Variants in PLCH1 observed in about 807,000 individuals in gnomAD.
The protein encoded by PLCH1 is 1-phosphatidylinositol 4,5-bisphosphate phosphodiesterase eta-1.
A neutral mutation model predicts 126.7 loss-of-function variants in PLCH1; 60 were observed. The observed-to-expected ratio is 0.47, with a 90% confidence interval of 0.38 to 0.59. The LOEUF (loss-of-function observed/expected upper bound fraction) is 0.59. Among genes scored for constraint, PLCH1 ranks in the 20% least tolerant of loss-of-function variants. The pLI is 0.00. For missense variants in PLCH1, 1,723 were observed against 2,040.0 expected (o/e 0.84, Z 2.99); for synonymous variants, 719 against 734.9 (o/e 0.98, Z 0.35).
chr3:155,564,907 G>A lies in PLCH1; in HGVS notation c.1069+8C>T. 1 of 1,603,562 alleles carries A rather than the reference G, an allele frequency of 6.2e-7. No homozygotes were observed. Among genetic ancestry groups the A allele is most frequent in the Non-Finnish European group, 8.5e-7 (1 of 1,171,074 alleles). On this transcript the variant is annotated splice_region_variant and intron_variant, in intron 8 of 22. Transcript: ENST00000460012. Reference sequence around the variant, plus strand: ...ATACACACCGGAGCTCAGAAAAAGTGCACGTACCTTCCACACAGCGACAGC... The same window carrying A: ...ATACACACCGGAGCTCAGAAAAAGTACACGTACCTTCCACACAGCGACAGC...
At chr3:155,607,434 TA>T (rs1311624200) in intron 2 of PLCH1, among the ~76,000 whole-genome samples, 1 of 152,260 alleles carries the variant, frequency 6.6e-6, no homozygotes. Context: ...CTTTGGTAAA[TA>T]AATACAATGT....
At chr3:155,643,034 C>T (rs542701858) in intron 2 of PLCH1, among the ~76,000 whole-genome samples, 8 of 152,268 alleles carry the variant, frequency 5.3e-5, no homozygotes, top group East Asian at 3.9e-4. Context: ...CTGCAACCTC[C>T]GCCTCCTGAG....
intron 21 of PLCH1, among the ~76,000 whole-genome samples, chr3:155,469,432 T>A (rs370237629): frequency 6.6e-6 from 1 of 151,232 alleles, no homozygotes; most frequent in South Asian, 2.1e-4. Flanking sequence ...CCTACGCCCA[T>A]GGAGTCTCGC....
chr3:155,516,286 A>G (rs1720295623), intron 11 of PLCH1, among the ~76,000 whole-genome samples: 1 of 152,214 alleles, frequency 6.6e-6, no homozygotes, highest in East Asian at 1.9e-4. Flanking sequence ...CTGATAAGGA[A>G]CACGGCATTA....
At chr3:155,619,677 C>G (rs1177877101) in intron 2 of PLCH1, among the ~76,000 whole-genome samples, 1 of 152,060 alleles carries the variant, frequency 6.6e-6, no homozygotes, top group East Asian at 1.9e-4. Flanking sequence ...CTCCCTACCC[C>G]CATCCAAAGC....
intron 2 of PLCH1, among the ~76,000 whole-genome samples, chr3:155,642,149 C>T (rs974332623): frequency 6.6e-6 from 1 of 152,036 alleles, no homozygotes; most frequent in African/African-American, 2.4e-5. Flanking sequence ...TATTATTATC[C>T]CTATTTTACA....
intron 12 of PLCH1, among the ~76,000 whole-genome samples, chr3:155,513,992 G>A (rs1719962646): frequency 6.6e-6 from 1 of 152,170 alleles, no homozygotes; most frequent in Non-Finnish European, 1.5e-5. Context: ...AACTCATGGG[G>A]CTATTGGCAG....
At chr3:155,719,480 C>T (rs985304096) in intron 1 of PLCH1, among the ~76,000 whole-genome samples, 7 of 151,574 alleles carry the variant, frequency 4.6e-5, no homozygotes, top group East Asian at 1.9e-4. Flanking sequence ...CAAACCTGCA[C>T]GTTGTGCACA....
At chr3:155,504,283 T>A (rs1182668819) in intron 13 of PLCH1, among the ~76,000 whole-genome samples, 2 of 152,214 alleles carry the variant, frequency 1.3e-5, no homozygotes, top group Admixed American at 1.3e-4. Context: ...GTATTGGATA[T>A]GTATATTTAA....
chr3:155,550,014 T>G, intron 9 of PLCH1, 56 bp from the exon 10 acceptor site: 1 of 1,321,052 alleles, frequency 7.6e-7, no homozygotes, highest in South Asian at 1.3e-5. Context: ...TCACAGGGAC[T>G]TTTGAAAATG....
intron 1 of PLCH1, among the ~76,000 whole-genome samples, chr3:155,730,276 T>C (rs113735862): frequency 1.4e-5 from 2 of 148,076 alleles, no homozygotes; most frequent in African/African-American, 5.0e-5. Context: ...GCATCAAAAA[T>C]GATTAGTTTT....
At chr3:155,715,839 A>G (rs1747464936) in intron 1 of PLCH1, among the ~76,000 whole-genome samples, 1 of 151,988 alleles carries the variant, frequency 6.6e-6, no homozygotes, top group African/African-American at 2.4e-5. Flanking sequence ...TCCTGGCCTA[A>G]GCAATCCTCC....
chr3:155,670,724 A>G (rs1208841982), intron 2 of PLCH1, among the ~76,000 whole-genome samples: 1 of 151,976 alleles, frequency 6.6e-6, no homozygotes, highest in African/African-American at 2.4e-5. Context: ...CCAAAATACC[A>G]CTTTTACATC....
intron 2 of PLCH1, among the ~76,000 whole-genome samples, chr3:155,618,434 T>C (rs1374290893): frequency 6.6e-6 from 1 of 152,198 alleles, no homozygotes; most frequent in African/African-American, 2.4e-5. Context: ...GCCACCGTCC[T>C]CCTCTTCTGT....
chr3:155,741,952 G>A (rs1222037938), intron 1 of PLCH1, among the ~76,000 whole-genome samples: 2 of 152,030 alleles, frequency 1.3e-5, no homozygotes, highest in East Asian at 1.9e-4. Context: ...GCAAATAGGT[G>A]CACATAATGC....
At chr3:155,572,845 C>A (rs1301979808) in intron 6 of PLCH1, among the ~76,000 whole-genome samples, 1 of 152,154 alleles carries the variant, frequency 6.6e-6, no homozygotes, top group African/African-American at 2.4e-5. Context: ...CCTTCCTCAG[C>A]ATCCCATGTA....
At chr3:155,460,762 A>C (rs1278135072) in intron 21 of PLCH1, among the ~76,000 whole-genome samples, 1 of 151,522 alleles carries the variant, frequency 6.6e-6, no homozygotes, top group Non-Finnish European at 1.5e-5. Context: ...TAGATGATAG[A>C]TGATAGATAG....
At chr3:155,687,269 GTCC>G (rs956213242) in intron 2 of PLCH1, among the ~76,000 whole-genome samples, 3 of 152,054 alleles carry the variant, frequency 2.0e-5, no homozygotes, top group African/African-American at 7.2e-5. Context: ...TGCTTCAATA[GTCC>G]TCCTCATTCA....
rs768396746 is a variant in PLCH1, at chr3:155,492,814, T to G, written c.2222A>C (p.Asn741Thr). ...TTTCAGGATGAGCTGCTTTTTGGGG[T>G]TGGCAGGAAGAGGGTCACCAGAGAA... The part of the protein sequence containing the change: ...NPFSGDPLPA[N>T]PKKQLILKVI... Residue 741 changes from asparagine (N) to threonine (T), a missense_variant, in exon 18 of 23, where the codon AAC becomes ACC. Asn to Thr is a moderately conservative substitution (Grantham distance 65). Coordinates refer to ENST00000460012, the MANE Select transcript of PLCH1 (RefSeq NM_014996.4). 8.1e-6 allele frequency: 13 copies of G among 1,604,632 alleles called. No individual in the cohort carries two copies. Among genetic ancestry groups the G allele is most frequent in the Non-Finnish European group, 1.1e-5 (13 of 1,176,090 alleles).
Sources: allele counts gnomAD v4.1 joint callset (sites outside exome capture counted in the v4.1 genomes callset), GRCh38; gene constraint gnomAD v4.1.1; transcripts MANE v1.5; gene names NCBI Gene and HGNC (gene_info 2026-07-23, HGNC 2026-07-21).